CCDC91: variants seen among roughly 807,000 people sequenced by gnomAD.
CCDC91 encodes coiled-coil domain containing 91.
In CCDC91, 48 loss-of-function variants were observed where a neutral mutation model predicts 63.2. That is an observed-to-expected ratio of 0.76 (90% CI 0.60 to 0.97). The LOEUF (loss-of-function observed/expected upper bound fraction) is 0.97, where lower values mean the gene tolerates loss of function less well. Among genes scored for constraint, CCDC91 ranks in the 50% least tolerant of loss-of-function variants. The pLI is 0.00. For synonymous variants in CCDC91, 167 were observed against 165.8 expected (o/e 1.01, Z -0.06); for missense variants, 500 against 494.6 (o/e 1.01, Z -0.10).
At chr12:28,321,493 G>T (rs1238639203) in intron 6 of CCDC91, among the ~76,000 whole-genome samples, 2 of 151,880 alleles carry the variant, frequency 1.3e-5, no homozygotes, top group African/African-American at 2.4e-5. Flanking sequence ...GTACATTGAT[G>T]CTCTCATCCC....
intron 1 of CCDC91, among the ~76,000 whole-genome samples, chr12:28,217,546 G>T (rs1943643851): frequency 6.6e-6 from 1 of 152,078 alleles, no homozygotes. Context: ...GTGCCACAAA[G>T]GGACAGAATT....
intron 6 of CCDC91, among the ~76,000 whole-genome samples, chr12:28,326,436 C>T (rs1209942395): frequency 1.3e-5 from 2 of 149,644 alleles, no homozygotes; most frequent in Non-Finnish European, 3.0e-5. Context: ...TTTTAGGGTA[C>T]ATGTGCACAA....
intron 10 of CCDC91, among the ~76,000 whole-genome samples, chr12:28,451,337 A>G (rs1419130727): frequency 6.6e-6 from 1 of 151,662 alleles, no homozygotes; most frequent in African/African-American, 2.4e-5. Context: ...AAAGAAATAG[A>G]CAAATTCTAG....
chr12:28,497,037 G>A (rs531422527), intron 12 of CCDC91, among the ~76,000 whole-genome samples: 1 of 148,880 alleles, frequency 6.7e-6, no homozygotes. Context: ...GATTACTCAG[G>A]GATATTTCAT....
At chr12:28,204,314 A>T (rs1380889400) in intron 1 of CCDC91, among the ~76,000 whole-genome samples, 1 of 152,180 alleles carries the variant, frequency 6.6e-6, no homozygotes, top group Non-Finnish European at 1.5e-5. Flanking sequence ...CATGAGGAAG[A>T]CATTAATGGT....
chr12:28,197,109 C>A (rs1591942219), intron 1 of CCDC91, among the ~76,000 whole-genome samples: 2 of 151,958 alleles, frequency 1.3e-5, no homozygotes, highest in East Asian at 3.8e-4. Flanking sequence ...AAAGTATATA[C>A]ATTTTTTTTT....
intron 8 of CCDC91, among the ~76,000 whole-genome samples, chr12:28,397,145 G>A (rs1032944748): frequency 6.6e-6 from 1 of 152,128 alleles, no homozygotes; most frequent in African/African-American, 2.4e-5. Flanking sequence ...CAGAAATACA[G>A]AGCATTTTGC....
chr12:28,231,010 T>C (rs1234926206), intron 1 of CCDC91, among the ~76,000 whole-genome samples: 1 of 152,236 alleles, frequency 6.6e-6, no homozygotes, highest in African/African-American at 2.4e-5. Flanking sequence ...AGTATCAAGG[T>C]GAGCCTTCTG....
intron 1 of CCDC91, among the ~76,000 whole-genome samples, chr12:28,253,477 A>T (rs1946253213): frequency 6.6e-6 from 1 of 152,118 alleles, no homozygotes. Context: ...AGTTGTGCAG[A>T]TTCTGGCAGT....
At chr12:28,506,609 A>C (rs1295793733) in intron 12 of CCDC91, among the ~76,000 whole-genome samples, 2 of 152,012 alleles carry the variant, frequency 1.3e-5, no homozygotes, top group African/African-American at 4.8e-5. Flanking sequence ...TTTACCAGTC[A>C]CTGTGATTCA....
At chr12:28,340,944 T>G (rs556466391) in intron 6 of CCDC91, among the ~76,000 whole-genome samples, 2 of 152,002 alleles carry the variant, frequency 1.3e-5, no homozygotes, top group African/African-American at 4.8e-5. Flanking sequence ...TTTTATTGAG[T>G]GAAGGTAGTT....
At position 28,434,382 on chromosome 12, in the gene CCDC91, C is replaced by T. The variant is rs1414670388; in HGVS notation, c.763-15779C>T. Among the ~76,000 whole-genome samples the T allele has an allele frequency of 3.3e-5, 5 of 149,598 alleles. No homozygotes were observed. In the East Asian group the frequency reaches 7.8e-4, roughly 23 times the overall value. On this transcript the variant is annotated intron_variant, in intron 8 of 12. Coordinates refer to ENST00000536442, the MANE Select transcript of CCDC91 (RefSeq NM_018318.5). Reference sequence around the variant, plus strand: ...TGATATGATCATGTGATTTTTTTTTCCTCTTTAGCTGTCCATGTGATTGAT... The same window carrying T: ...TGATATGATCATGTGATTTTTTTTTTCTCTTTAGCTGTCCATGTGATTGAT...
chr12:28,244,127 A>T lies in CCDC91; in HGVS notation c.-14-13075A>T, dbSNP rs971984389. Among the ~76,000 whole-genome samples the T allele has an allele frequency of 1.3e-4, 20 of 152,226 alleles. 1 individual carries two copies. Among genetic ancestry groups the T allele is most frequent in the African/African-American group, 4.8e-4 (20 of 41,462 alleles). ...TGATTTACTAATAAATGATCCATAA[A>T]TGTAAGCAACATTTACATTGATAGA... On this transcript the variant is annotated intron_variant, in intron 1 of 12. Transcript: ENST00000536442.
At chr12:28,218,344 A>G (rs967932174) in intron 1 of CCDC91, among the ~76,000 whole-genome samples, 2 of 152,182 alleles carry the variant, frequency 1.3e-5, no homozygotes, top group Non-Finnish European at 2.9e-5. Flanking sequence ...AAAAGTCTCT[A>G]ATAGAAAGCT....
chr12:28,527,842 G>A lies in CCDC91; in HGVS notation c.1216-21221G>A, dbSNP rs183652546. Among the ~76,000 whole-genome samples, 15 of 152,226 alleles carry A rather than the reference G, an allele frequency of 9.9e-5. No individual in the cohort carries two copies. In the East Asian group the frequency reaches 2.9e-3, roughly 30 times the overall value. On this transcript the variant is annotated intron_variant, in intron 12 of 12. Coordinates refer to ENST00000536442, the MANE Select transcript of CCDC91 (RefSeq NM_018318.5). ...TTATGTTCCTAGGAGGATTATGGCTGCCTCTGTTGTGTCATGCAGGTTGCC... is the reference window on the plus strand; with the variant it reads ...TTATGTTCCTAGGAGGATTATGGCTACCTCTGTTGTGTCATGCAGGTTGCC...
At chr12:28,521,308 C>G (rs576056623) in intron 12 of CCDC91, among the ~76,000 whole-genome samples, 2,616 of 152,040 alleles carry the variant, frequency 0.017, 64 homozygotes, top group African/African-American at 0.059. Context: ...AGTTGGATTC[C>G]TAGGTATTTT....
chr12:28,406,702 ATC>A (rs1200114222), intron 8 of CCDC91, among the ~76,000 whole-genome samples: 3 of 152,216 alleles, frequency 2.0e-5, no homozygotes, highest in African/African-American at 7.2e-5. Flanking sequence ...CTAACTCAAT[ATC>A]AAAAGAGGTT....
chr12:28,261,189 T>G (rs1157049592), intron 3 of CCDC91, among the ~76,000 whole-genome samples: 1 of 151,906 alleles, frequency 6.6e-6, no homozygotes, highest in African/African-American at 2.4e-5. Flanking sequence ...GAGACTTGGA[T>G]TTGGACAGAT....
chr12:28,242,009 A>C (rs1383602575), intron 1 of CCDC91, among the ~76,000 whole-genome samples: 1 of 151,580 alleles, frequency 6.6e-6, no homozygotes, highest in Non-Finnish European at 1.5e-5. Flanking sequence ...AAAAAAAAAA[A>C]AAAAAAACGA....
Sources: allele counts gnomAD v4.1 joint callset (sites outside exome capture counted in the v4.1 genomes callset), GRCh38; gene constraint gnomAD v4.1.1; transcripts MANE v1.5; gene names NCBI Gene and HGNC (gene_info 2026-07-23, HGNC 2026-07-21).